Variants in SH3BP2 observed in about 807,000 individuals in gnomAD.
The protein encoded by SH3BP2 is SH3 domain binding protein 2.
Under a neutral mutation model 56.2 loss-of-function variants are expected in SH3BP2, and 38 were observed. The ratio of observed to expected loss-of-function variants is 0.68; its 90% confidence interval spans 0.52 to 0.89. SH3BP2 has a LOEUF of 0.89. Among genes scored for constraint, SH3BP2 ranks in the 40% least tolerant of loss-of-function variants. The probability of loss-of-function intolerance (pLI) is 0.00; values close to 1 mark genes in which losing one functional copy is unlikely to be tolerated. For synonymous variants in SH3BP2, 346 were observed against 316.7 expected (o/e 1.09, Z -0.98); for missense variants, 748 against 762.6 (o/e 0.98, Z 0.23).
rs373409832 is a variant in SH3BP2, at chr4:2,829,228, G to A, written c.587-265G>A. Among the ~76,000 whole-genome samples the A allele has an allele frequency of 1.0e-3, 158 of 152,170 alleles. No individual in the cohort carries two copies. The highest frequency in any genetic ancestry group is 3.6e-3 in the African/African-American group (149 of 41,502). On this transcript the variant is annotated intron_variant, in intron 7 of 12. Transcript: ENST00000503393. The surrounding 1 kb of genome is among the most constrained non-coding windows in gnomAD (Gnocchi z 4.9). ...TCCTTCCACCTCTGGGAACCTGATG[G>A]GCTCCTCAGGTGTCCTCTAGGCTTC...
intron 1 of SH3BP2, among the ~76,000 whole-genome samples, chr4:2,819,517 C>T (rs927358697): frequency 2.0e-5 from 3 of 152,166 alleles, no homozygotes; most frequent in Non-Finnish European, 4.4e-5. Context: ...CTGGGTCTGA[C>T]CTTAGCTGCT....
At chr4:2,799,268 G>A (rs185596788) in intron 1 of SH3BP2, 14 of 985,322 alleles carry the variant, frequency 1.4e-5, no homozygotes, top group Non-Finnish European at 1.7e-5. Context: ...ACTGGACTTC[G>A]CTCAGCTTCA....
At chr4:2,811,542 G>C (rs1723750036) in intron 1 of SH3BP2, among the ~76,000 whole-genome samples, 1 of 152,242 alleles carries the variant, frequency 6.6e-6, no homozygotes, top group Non-Finnish European at 1.5e-5. Flanking sequence ...GGCCTGGGCA[G>C]GGCACTGGGC....
At chr4:2,805,200 C>A (rs1723481584) in intron 1 of SH3BP2, among the ~76,000 whole-genome samples, 1 of 152,212 alleles carries the variant, frequency 6.6e-6, no homozygotes, top group Non-Finnish European at 1.5e-5. Flanking sequence ...CCTAAGCACA[C>A]CCCCTGGGCC....
intron 1 of SH3BP2, chr4:2,818,575 G>T: frequency 2.0e-6 from 1 of 504,832 alleles, no homozygotes. Flanking sequence ...GACTCAGGCC[G>T]GCACGGGGCT....
At chr4:2,824,158 A>T (rs960622533) in intron 3 of SH3BP2, among the ~76,000 whole-genome samples, 4 of 152,012 alleles carry the variant, frequency 2.6e-5, no homozygotes, top group Admixed American at 2.6e-4. Context: ...CTCAGCGCAA[A>T]CCCCACATCC....
In SH3BP2 at chr4:2,837,648, GC is replaced by G; in HGVS notation, c.*3816del. Reference sequence around the variant, plus strand: ...AGGGTCACACCAGGAACATGGGAGGGCCGTGCTTGTCTCTAGACGAGGGGAA... The same window carrying G: ...AGGGTCACACCAGGAACATGGGAGGGCGTGCTTGTCTCTAGACGAGGGGAA... On this transcript the variant is annotated 3_prime_UTR_variant, in exon 13 of 13. Transcript: ENST00000503393. The G allele has an allele frequency of 6.6e-6, 1 of 152,470 alleles. No homozygotes were observed. 9.4% of individuals were successfully genotyped at this position (152,470 alleles called of 1,614,324 possible). A position where few individuals can be genotyped will look rare whatever the true frequency, so the allele number is the denominator to read the frequency against.
chr4:2,827,805 G>A lies in SH3BP2; in HGVS notation c.586+131G>A, dbSNP rs552679731. The A allele has an allele frequency of 2.4e-4, 173 of 732,196 alleles. No homozygotes were observed. The African/African-American group carries it at 2.9e-3, about 12-fold the overall frequency. The allele number at this position is 732,196 out of a possible 1,614,324, so 45.4% of individuals were successfully genotyped here. Reference sequence around the variant, plus strand: ...TCTGGGTGGCTTCCGCTTCCCTGCTGTGTCCCAAGTATTATGAGGATTGGA... The same window carrying A: ...TCTGGGTGGCTTCCGCTTCCCTGCTATGTCCCAAGTATTATGAGGATTGGA... On this transcript the variant is annotated intron_variant, in intron 7 of 12. Transcript: ENST00000503393.
Position 2,829,943 on chromosome 4 carries a change from C to T in SH3BP2, c.1037C>T (p.Thr346Ile). 2 of 1,613,592 alleles carry T rather than the reference C, an allele frequency of 1.2e-6. No homozygotes were observed. The highest frequency in any genetic ancestry group is 1.7e-6 in the Non-Finnish European group (2 of 1,179,932). ...SFHLSPRGPPTSEPPPVPANK... is the reference protein window; with the variant it reads ...SFHLSPRGPPISEPPPVPANK... ...CACCTGTCCCCCCGAGGACCACCCA[C>T]ATCTGAGCCCCCACCTGTGCCAGCC... is the stretch of plus-strand genomic sequence containing the variant. The change falls in exon 8 of 13, where the codon ACA becomes ATA. Residue 346 changes from threonine (T) to isoleucine (I), a missense_variant. Thr to Ile is a moderately conservative substitution (Grantham distance 89). Transcript: ENST00000503393. The surrounding 1 kb of genome is among the most constrained non-coding windows in gnomAD (Gnocchi z 4.9).
At position 2,839,096 on chromosome 4, in the gene SH3BP2, C is replaced by T. The variant is rs1219195862; in HGVS notation, c.*5262C>T. On this transcript the variant is annotated 3_prime_UTR_variant, in exon 13 of 13. Coordinates refer to ENST00000503393, the MANE Select transcript of SH3BP2 (RefSeq NM_001122681.2). ...AGCATATTTTTATGTTTTTATTAAC[C>T]ATTTTGATTTTGTCTCCTGTGAAGT... 2 of 151,938 alleles carry T rather than the reference C, an allele frequency of 1.3e-5. No individual in the cohort carries two copies. Among genetic ancestry groups the T allele is most frequent in the African/African-American group, 4.8e-5 (2 of 41,344 alleles). 9.4% of individuals were successfully genotyped at this position (151,938 alleles called of 1,614,324 possible).
intron 6 of SH3BP2, 108 bp downstream of exon 6, chr4:2,827,426 C>T: frequency 7.9e-7 from 1 of 1,270,834 alleles, no homozygotes; most frequent in Non-Finnish European, 1.1e-6. Context: ...CTTGCTCTGG[C>T]CCTTTGGCAG....
rs146469368 is a variant in SH3BP2, at chr4:2,829,813, C to A, written c.907C>A (p.Pro303Thr). 6 of 1,613,406 alleles carry A rather than the reference C, an allele frequency of 3.7e-6. No homozygotes were observed. The highest frequency in any genetic ancestry group is 5.1e-6 in the Non-Finnish European group (6 of 1,179,934). Residue 303 changes from proline to threonine, a missense_variant, in exon 8 of 13, where the codon CCC (proline) becomes ACC (threonine). Coordinates refer to ENST00000503393, the MANE Select transcript of SH3BP2 (RefSeq NM_001122681.2). This position sits in a 1 kb window ranked among gnomAD's most constrained non-coding sequence, Gnocchi z 4.9. Reference sequence around the variant, plus strand: ...CCCTTGCTTCCGGGAGAGTGCCAGCCCCAGCCCGGAGCCCTGGACCCCTGG... The same window carrying A: ...CCCTTGCTTCCGGGAGAGTGCCAGCACCAGCCCGGAGCCCTGGACCCCTGG... ...KPPCFRESAS[P>T]SPEPWTPGHG...
At chr4:2,808,354 G>A (rs767571756) in intron 1 of SH3BP2, among the ~76,000 whole-genome samples, 13 of 152,180 alleles carry the variant, frequency 8.5e-5, no homozygotes, top group Admixed American at 3.3e-4. Flanking sequence ...GGGCCCACTT[G>A]GTCAATCCAG....
Position 2,833,197 on chromosome 4 carries a change from A to AC in SH3BP2, c.1548+154dup, listed in dbSNP as rs1039422523. On this transcript the variant is annotated intron_variant, in intron 12 of 12. Transcript: ENST00000503393. ...CTCCCCTTCCCCTCCACCATCGCTC[A>AC]CCCCCCACCCCTCCTGCTCAGCCTC... 7 of 715,924 alleles carry AC rather than the reference A, an allele frequency of 9.8e-6. No homozygotes were observed. The Admixed American group carries it at 1.0e-4, about 11-fold the overall frequency. 44.3% of individuals were successfully genotyped at this position (715,924 alleles called of 1,614,324 possible).
intron 1 of SH3BP2, among the ~76,000 whole-genome samples, chr4:2,817,176 G>A (rs1399590119): frequency 6.6e-6 from 1 of 152,256 alleles, no homozygotes; most frequent in Non-Finnish European, 1.5e-5. Flanking sequence ...GGAAGGGCCA[G>A]GTTGGCATGA....
In SH3BP2 at chr4:2,834,020, C is replaced by T; in HGVS notation, c.*186C>T. The T allele has an allele frequency of 1.5e-6, 1 of 666,356 alleles. No individual in the cohort carries two copies. The highest frequency in any genetic ancestry group is 2.9e-5 in the Admixed American group (1 of 33,996). The allele number at this position is 666,356 out of a possible 1,614,324, so 41.3% of individuals were successfully genotyped here. ...AGCAGGTTGGGTTCTAGGGCTGAAC[C>T]AGGCGCCAGGCTCCAGAGGACGAAG... On this transcript the variant is annotated 3_prime_UTR_variant, in exon 13 of 13. Transcript: ENST00000503393.
chr4:2,813,361 C>T (rs1723847763), intron 1 of SH3BP2, among the ~76,000 whole-genome samples: 1 of 152,196 alleles, frequency 6.6e-6, no homozygotes, highest in South Asian at 2.1e-4. Context: ...TTGGGGAGGA[C>T]TCTGGTTTGA....
chr4:2,812,733 C>CA (rs928752580), intron 1 of SH3BP2, among the ~76,000 whole-genome samples: 28 of 151,984 alleles, frequency 1.8e-4, no homozygotes, highest in Non-Finnish European at 4.1e-4. Flanking sequence ...CCCCCCCCAC[C>CA]CCCCCATCAC....
At chr4:2,796,126 C>T (rs1723054056) in intron 1 of SH3BP2, among the ~76,000 whole-genome samples, 1 of 152,184 alleles carries the variant, frequency 6.6e-6, no homozygotes. Flanking sequence ...AGGCGAATTG[C>T]ACTTCCTGAC....
Sources: allele counts gnomAD v4.1 joint callset (sites outside exome capture counted in the v4.1 genomes callset), GRCh38; gene constraint gnomAD v4.1.1; non-coding constraint Gnocchi (gnomAD v3.1); transcripts MANE v1.5; gene names NCBI Gene and HGNC (gene_info 2026-07-23, HGNC 2026-07-21).